ZNF708: variants seen among roughly 807,000 people sequenced by gnomAD.
ZNF708 encodes zinc finger protein 708.
Under a neutral mutation model 47.0 loss-of-function variants are expected in ZNF708, and 44 were observed. The ratio of observed to expected loss-of-function variants is 0.94; its 90% CI spans 0.74 to 1.20. The LOEUF (loss-of-function observed/expected upper bound fraction) is 1.20, where lower values mean the gene tolerates loss of function less well. ZNF708 is among the 50% of genes most tolerant of loss of function. The probability of loss-of-function intolerance (pLI) is 0.00; values close to 1 mark genes in which losing one functional copy is unlikely to be tolerated. For missense variants in ZNF708, 557 were observed against 656.0 expected (o/e 0.85, Z 1.65); for synonymous variants, 184 against 218.5 (o/e 0.84, Z 1.39).
chr19:21,324,199 G>A (rs1678827), intron 1 of ZNF708, among the ~76,000 whole-genome samples: 2,602 of 151,856 alleles, frequency 0.017, 84 homozygotes, highest in African/African-American at 0.056. Context: ...AGCTGAGATC[G>A]CGCCACTGCA....
intron 3 of ZNF708, among the ~76,000 whole-genome samples, chr19:21,307,895 C>T (rs1208828900): frequency 6.6e-6 from 1 of 152,052 alleles, no homozygotes; most frequent in Non-Finnish European, 1.5e-5. Context: ...TAAAACCTAT[C>T]TAATAAATAC....
At chr19:21,312,188 G>A (rs535572175) in intron 1 of ZNF708, among the ~76,000 whole-genome samples, 2 of 152,006 alleles carry the variant, frequency 1.3e-5, no homozygotes, top group African/African-American at 4.8e-5. Flanking sequence ...CCAGCTACTC[G>A]AGAGGGTGAG....
intron 1 of ZNF708, chr19:21,318,172 G>C (rs537039942): frequency 6.6e-6 from 1 of 152,206 alleles, no homozygotes; most frequent in Admixed American, 6.5e-5. Context: ...TGGTACAGGA[G>C]AGCCTACAGG....
chr19:21,293,660 T>C lies in ZNF708; in HGVS notation c.1306A>G (p.Thr436Ala). 1 of 1,612,478 alleles carries C rather than the reference T, an allele frequency of 6.2e-7. No individual in the cohort carries two copies. Residue 436 changes from threonine to alanine, a missense_variant, in exon 4 of 4, where the codon ACT (threonine) becomes GCT (alanine). Transcript: ENST00000356929. ...TCAGTATGAATTACTTTATGTTTAG[T>C]AAGGATTGAGAATATACTAAAGGCT... ...GKAFSIFSIL[T>A]KHKVIHTEDK...
intron 1 of ZNF708, among the ~76,000 whole-genome samples, chr19:21,320,761 T>C (rs1973112488): frequency 1.3e-5 from 1 of 79,326 alleles, no homozygotes; most frequent in Non-Finnish European, 2.4e-5. Context: ...AAATACTCTC[T>C]GGCCATTAAA....
chr19:21,298,767 A>G (rs1169478551), intron 3 of ZNF708, among the ~76,000 whole-genome samples: 1 of 152,230 alleles, frequency 6.6e-6, no homozygotes, highest in Non-Finnish European at 1.5e-5. Context: ...TTGCTTACCC[A>G]TAATTATTGC....
intron 1 of ZNF708, among the ~76,000 whole-genome samples, chr19:21,324,161 G>A (rs535703647): frequency 1.3e-5 from 2 of 152,026 alleles, no homozygotes; most frequent in South Asian, 4.1e-4. Flanking sequence ...GGAGAATGGT[G>A]TGAACCCGGG....
Position 21,294,376 on chromosome 19 carries a change from T to G in ZNF708, c.590A>C (p.Lys197Thr). Residue 197 changes from lysine (K) to threonine (T), a missense_variant, in exon 4 of 4, where the codon AAA becomes ACA. Coordinates refer to ENST00000356929, the MANE Select transcript of ZNF708 (RefSeq NM_021269.3). Reference sequence around the variant, plus strand: ...AAAAGCTTTGCCACATTCTTCACATTTGTAGGGTTTTTCTCCAGTATGAAT... The same window carrying G: ...AAAAGCTTTGCCACATTCTTCACATGTGTAGGGTTTTTCTCCAGTATGAAT... ...EIIHTGEKPYKCEECGKAFKK... is the reference protein window; with the variant it reads ...EIIHTGEKPYTCEECGKAFKK... The G allele has an allele frequency of 1.2e-6, 2 of 1,614,034 alleles. No individual in the cohort carries two copies. The highest frequency in any genetic ancestry group is 1.7e-6 in the Non-Finnish European group (2 of 1,179,984).
rs1972455853 is a variant in ZNF708, at chr19:21,293,814, T to A, written c.1152A>T (p.Val384=). 1.9e-6 allele frequency: 3 copies of A among 1,613,464 alleles called. No individual in the cohort carries two copies. The East Asian group carries it at 6.7e-5, about 36-fold the overall frequency. The part of the protein sequence containing the change: ...NRSSHLTNHK[V]IHTGEKPYKC... ...TGTAGGGTTTCTCTCCAGTATGAATTACCTTATGATTAGTAAGGTGTGAGG... is the reference window on the plus strand; with the variant it reads ...TGTAGGGTTTCTCTCCAGTATGAATAACCTTATGATTAGTAAGGTGTGAGG... The change falls in exon 4 of 4, where the codon GTA becomes GTT. Residue 384 remains valine, a synonymous_variant. Transcript: ENST00000356929.
chr19:21,325,730 TTAAA>T (rs1973242438), intron 1 of ZNF708, among the ~76,000 whole-genome samples: 1 of 152,038 alleles, frequency 6.6e-6, no homozygotes, highest in Non-Finnish European at 1.5e-5. Flanking sequence ...CCTAATTAAA[TTAAA>T]TAGTTTTTAC....
chr19:21,318,381 C>T (rs1364246039), intron 1 of ZNF708: 1 of 152,160 alleles, frequency 6.6e-6, no homozygotes, highest in Non-Finnish European at 1.5e-5. Context: ...CTAAAACAGA[C>T]ATCTGAAGCA....
At chr19:21,300,024 T>TG (rs1972621781) in intron 3 of ZNF708, among the ~76,000 whole-genome samples, 1 of 151,872 alleles carries the variant, frequency 6.6e-6, no homozygotes, top group Admixed American at 6.6e-5. Flanking sequence ...CAAAAATACA[T>TG]GGATAGGCTG....
Position 21,320,109 on chromosome 19 carries a change from G to A in ZNF708, c.3+9101C>T, listed in dbSNP as rs142333035. On this transcript the variant is annotated intron_variant, in intron 1 of 3. Transcript: ENST00000356929. ...GAGAATCGCTTGAACCTGGAAGGCA[G>A]AGGTTGAAGTAGGCCAAGATCATGC... is the stretch of plus-strand genomic sequence containing the variant. Among the ~76,000 whole-genome samples the A allele has an allele frequency of 3.7e-3, 558 of 152,230 alleles. 4 individuals carry two copies. The highest frequency in any genetic ancestry group is 6.8e-3 in the Middle Eastern group (2 of 294).
At position 21,293,739 on chromosome 19, in the gene ZNF708, A is replaced by G. The variant is rs762012854; in HGVS notation, c.1227T>C (p.Tyr409=). 6.2e-7 allele frequency: 1 copy of G among 1,608,000 alleles called. No homozygotes were observed. The highest frequency in any genetic ancestry group is 8.5e-7 in the Non-Finnish European group (1 of 1,178,038). The change falls in exon 4 of 4, where the codon TAT becomes TAC. Residue 409 remains tyrosine (Y), a synonymous_variant. Transcript: ENST00000356929. ...KAFTKSSTLT[Y]HKVIHTGKKP... ...TCTTTCCAGTATGAATTACCTTATG[A>G]TAAGTAAGAGTTGAGGACTTGGTAA... is the stretch of plus-strand genomic sequence containing the variant.
intron 1 of ZNF708, chr19:21,318,706 C>G (rs1314813517): frequency 1.3e-5 from 2 of 152,168 alleles, no homozygotes; most frequent in African/African-American, 4.8e-5. Context: ...TGACAATTCA[C>G]CAGCACTTTT....
intron 3 of ZNF708, among the ~76,000 whole-genome samples, chr19:21,297,989 GTGTA>G (rs751069864): frequency 7.0e-6 from 1 of 143,388 alleles, no homozygotes; most frequent in Non-Finnish European, 1.5e-5. Context: ...GTGTGTGTGT[GTGTA>G]TGTGTACAGA....
At chr19:21,315,293 T>G (rs537931794) in intron 1 of ZNF708, among the ~76,000 whole-genome samples, 6 of 152,216 alleles carry the variant, frequency 3.9e-5, no homozygotes, top group South Asian at 2.1e-4. Context: ...TGTTGACATC[T>G]CACAGTGCAG....
intron 1 of ZNF708, among the ~76,000 whole-genome samples, chr19:21,315,888 A>C (rs1455453190): frequency 6.6e-6 from 1 of 151,744 alleles, no homozygotes; most frequent in African/African-American, 2.4e-5. Flanking sequence ...TCTCATTTTA[A>C]TGTCTCTCTG....
intron 1 of ZNF708, among the ~76,000 whole-genome samples, chr19:21,322,225 G>T (rs7260369): frequency 6.6e-6 from 1 of 151,830 alleles, no homozygotes; most frequent in Admixed American, 6.6e-5. Context: ...GTTTGTGAGT[G>T]GCTGGGAATC....
Sources: allele counts gnomAD v4.1 joint callset (sites outside exome capture counted in the v4.1 genomes callset), GRCh38; gene constraint gnomAD v4.1.1; transcripts MANE v1.5; gene names NCBI Gene and HGNC (gene_info 2026-07-23, HGNC 2026-07-21).